Variants in CECR2 observed in about 807,000 individuals in gnomAD.
The protein encoded by CECR2 is chromatin remodeling regulator CECR2.
A neutral mutation model predicts 154.5 loss-of-function variants in CECR2; 30 were observed. The observed-to-expected ratio is 0.19, with a 90% CI of 0.15 to 0.26. CECR2 has a LOEUF of 0.26. Among genes scored for constraint, CECR2 ranks in the 10% least tolerant of loss-of-function variants. The pLI is 1.00. For missense variants in CECR2, 1,743 were observed against 1,829.3 expected (o/e 0.95, Z 0.86); for synonymous variants, 725 against 683.7 (o/e 1.06, Z -0.94).
At chr22:17,450,886 GCT>G (rs2054757991) in intron 1 of CECR2, among the ~76,000 whole-genome samples, 2 of 152,160 alleles carry the variant, frequency 1.3e-5, no homozygotes, top group Non-Finnish European at 2.9e-5. Context: ...CATCCCTGCT[GCT>G]ACTCTAGTCC....
chr22:17,420,985 G>A (rs954353307), intron 1 of CECR2, among the ~76,000 whole-genome samples: 6 of 152,088 alleles, frequency 3.9e-5, no homozygotes, highest in African/African-American at 1.2e-4. Context: ...TCCCTGTATC[G>A]TTGCTGTCCG....
intron 8 of CECR2, among the ~76,000 whole-genome samples, chr22:17,523,480 G>C (rs1408988528): frequency 4.6e-5 from 7 of 151,740 alleles, no homozygotes; most frequent in African/African-American, 1.7e-4. Flanking sequence ...TTATCGGCTG[G>C]GCACGGTGGC....
upstream of CECR2, among the ~76,000 whole-genome samples, chr22:17,365,560 G>A (rs1275521152): frequency 2.0e-5 from 3 of 152,102 alleles, no homozygotes; most frequent in Non-Finnish European, 4.4e-5. Context: ...GCCAGGCGTG[G>A]TGGTGGGTGC....
At position 17,548,987 on chromosome 22, in the gene CECR2, A is replaced by C. The variant is rs770661461; in HGVS notation, c.3700A>C (p.Arg1234=). The part of the protein sequence containing the change: ...GPPASQPPPP[R]SLFSDKNAMA... ...CCCAGCCAGTCAGCCTCCCCCACCAAGGTCCCTCTTCTCAGATAAGAATGC... is the reference window on the plus strand; with the variant it reads ...CCCAGCCAGTCAGCCTCCCCCACCACGGTCCCTCTTCTCAGATAAGAATGC... Residue 1234 remains arginine, a synonymous_variant, in exon 17 of 19, where the codon AGG becomes CGG. Transcript: ENST00000262608. 1 of 1,613,878 alleles carries C rather than the reference A, an allele frequency of 6.2e-7. No homozygotes were observed. Among genetic ancestry groups the C allele is most frequent in the East Asian group, 2.2e-5 (1 of 44,860 alleles).
chr22:17,492,194 A>G (rs1411831505), intron 2 of CECR2, among the ~76,000 whole-genome samples: 3 of 152,184 alleles, frequency 2.0e-5, no homozygotes, highest in Non-Finnish European at 4.4e-5. Flanking sequence ...GGAGAATGCA[A>G]TTTGATTTTT....
At chr22:17,445,599 C>T (rs1196609890) in intron 1 of CECR2, among the ~76,000 whole-genome samples, 2 of 138,698 alleles carry the variant, frequency 1.4e-5, no homozygotes, top group Non-Finnish European at 3.2e-5. Context: ...TTATTTGAGG[C>T]AGAGGCTCAC....
At chr22:17,419,855 T>G (rs551874030) in intron 1 of CECR2, 3 of 270,108 alleles carry the variant, frequency 1.1e-5, no homozygotes, top group Admixed American at 8.1e-5. Flanking sequence ...AAAGAAATAA[T>G]TGGCAAGATA....
chr22:17,499,723 C>G (rs145665331), intron 4 of CECR2, among the ~76,000 whole-genome samples, 174 bp downstream of exon 4: 11 of 152,236 alleles, frequency 7.2e-5, no homozygotes, highest in Non-Finnish European at 1.5e-4. Context: ...AATTAATTCT[C>G]TGCTACCAGA....
rs1309791350 is a variant in CECR2 at position 17,369,586 on chromosome 22, G to C, written c.-198G>C. ...GCAGCCGCAGCCGCCTCAGTAGTTC[G>C]GGCCCCCGCGCCGCCGCCCCCCGCC... On this transcript the variant is annotated 5_prime_UTR_variant, in exon 1 of 19. Transcript: ENST00000262608. The C allele has an allele frequency of 4.8e-5, 7 of 147,146 alleles. No homozygotes were observed. Among genetic ancestry groups the C allele is most frequent in the African/African-American group, 1.5e-4 (6 of 41,012 alleles). 9.1% of individuals were successfully genotyped at this position (147,146 alleles called of 1,614,324 possible).
intron 1 of CECR2, among the ~76,000 whole-genome samples, chr22:17,379,115 C>T (rs1268369508): frequency 1.3e-5 from 2 of 152,048 alleles, no homozygotes; most frequent in African/African-American, 4.8e-5. Flanking sequence ...TGCCACCACA[C>T]CCGGCTAATT....
intron 11 of CECR2, 26 bp from the exon 12 acceptor site, chr22:17,538,614 G>C (rs764347002): frequency 6.2e-7 from 1 of 1,613,622 alleles, no homozygotes; most frequent in Non-Finnish European, 8.5e-7. Flanking sequence ...CTGTGAGTGT[G>C]TTAAGATCTC....
intron 1 of CECR2, among the ~76,000 whole-genome samples, chr22:17,402,705 A>T (rs1187257310): frequency 6.6e-6 from 1 of 151,238 alleles, no homozygotes; most frequent in Middle Eastern, 3.2e-3. Flanking sequence ...GACTGTTTAG[A>T]TTCCAACAGT....
In CECR2 at chr22:17,548,527, C is replaced by T. The variant is rs778057630; in HGVS notation, c.3240C>T (p.Leu1080=). The T allele has an allele frequency of 3.1e-6, 5 of 1,613,786 alleles. No individual in the cohort carries two copies. Among genetic ancestry groups the T allele is most frequent in the South Asian group, 1.1e-5 (1 of 91,048 alleles). The change falls in exon 17 of 19, where the codon CTC becomes CTT. Residue 1080 remains leucine, a synonymous_variant. Transcript: ENST00000262608. The part of the protein sequence containing the change: ...GLGSSGSEKL[L]CPRGRTLQET... The stretch of plus-strand genomic sequence containing the variant: ...GTAGCAGTGGTTCCGAAAAGCTGCT[C>T]TGCCCCAGAGGCAGAACGTTGCAGG...
chr22:17,458,533 T>C (rs1335176171), intron 1 of CECR2, among the ~76,000 whole-genome samples: 2 of 151,824 alleles, frequency 1.3e-5, no homozygotes, highest in African/African-American at 2.4e-5. Flanking sequence ...CTTTTTAATA[T>C]TATAGTTATG....
intron 2 of CECR2, among the ~76,000 whole-genome samples, chr22:17,489,514 G>A (rs1421900098): frequency 6.6e-6 from 1 of 152,298 alleles, no homozygotes; most frequent in Middle Eastern, 3.4e-3. Context: ...GGAGTGCAGT[G>A]CTGTGATCAT....
intron 2 of CECR2, among the ~76,000 whole-genome samples, chr22:17,488,454 C>G (rs994007137): frequency 1.1e-4 from 17 of 152,284 alleles, no homozygotes; most frequent in South Asian, 2.1e-4. Flanking sequence ...GTCAGTCTTC[C>G]CCATACCTAC....
chr22:17,528,689 C>T (rs577847514), intron 9 of CECR2, among the ~76,000 whole-genome samples: 1 of 152,122 alleles, frequency 6.6e-6, no homozygotes, highest in East Asian at 1.9e-4. Context: ...GTGTACACTA[C>T]CACACCCGGC....
chr22:17,365,686 A>G (rs914771174), upstream of CECR2, among the ~76,000 whole-genome samples: 1 of 152,050 alleles, frequency 6.6e-6, no homozygotes, highest in African/African-American at 2.4e-5. Context: ...ACAGATCAAG[A>G]CTGTCTCGGA....
chr22:17,418,749 C>A (rs148983890), intron 1 of CECR2: 2 of 424,352 alleles, frequency 4.7e-6, no homozygotes, highest in East Asian at 1.0e-4. Context: ...ATCCATTCCT[C>A]GACTCTGTTG....
Sources: gnomAD v4.1 joint callset for allele counts (sites outside exome capture counted in the v4.1 genomes callset) on GRCh38, gnomAD v4.1.1 for gene constraint, MANE v1.5 for transcripts, NCBI Gene and HGNC (gene_info 2026-07-23, HGNC 2026-07-21) for gene names.